The following ANKS1B variants were observed in gnomAD, a reference collection of about 807,000 sequenced individuals.
ANKS1B encodes ankyrin repeat and sterile alpha motif domain containing 1B, also known as ankyrin repeat and sterile alpha motif domain-containing protein 1B.
Under a neutral mutation model 148.3 loss-of-function variants are expected in ANKS1B, and 36 were observed. The ratio of observed to expected loss-of-function variants is 0.24; its 90% CI spans 0.19 to 0.32. ANKS1B has a LOEUF of 0.32. Ranked by LOEUF, ANKS1B falls within the 10% of genes least tolerant of loss-of-function variation. ANKS1B has a pLI of 1.00. For synonymous variants in ANKS1B, 542 were observed against 560.8 expected, an observed-to-expected ratio of 0.97 and a Z score of 0.47; for missense variants, 1,157 against 1,542.6, an observed-to-expected ratio of 0.75 and a Z score of 4.19.
chr12:99,746,808 T>G (rs1354688310), intron 8 of ANKS1B, among the ~76,000 whole-genome samples: 1 of 152,098 alleles, frequency 6.6e-6, no homozygotes, highest in East Asian at 1.9e-4. Context: ...ACAGGTGTAT[T>G]TTTTTCTAAC....
chr12:99,591,615 G>A (rs533421538), intron 9 of ANKS1B, among the ~76,000 whole-genome samples: 29 of 152,084 alleles, frequency 1.9e-4, no homozygotes, highest in South Asian at 1.0e-3. Context: ...CCCTGCCCCC[G>A]AAAATATGTA....
chr12:99,335,705 T>A (rs1283311974), intron 12 of ANKS1B, among the ~76,000 whole-genome samples: 1 of 152,152 alleles, frequency 6.6e-6, no homozygotes, highest in African/African-American at 2.4e-5. Flanking sequence ...TGAATAGTAC[T>A]CCATTGTGTA....
chr12:99,151,259 G>C (rs2074807438), intron 15 of ANKS1B, among the ~76,000 whole-genome samples: 1 of 152,154 alleles, frequency 6.6e-6, no homozygotes, highest in South Asian at 2.1e-4. Context: ...CAGGTGTGGT[G>C]GCTCATGCCT....
chr12:99,983,547 T>C (rs888453898), intron 1 of ANKS1B, among the ~76,000 whole-genome samples: 1 of 152,184 alleles, frequency 6.6e-6, no homozygotes, highest in Admixed American at 6.5e-5. Context: ...CTGCCTAACC[T>C]GCCCCATCAA....
chr12:99,775,871 C>T (rs1251966458), intron 6 of ANKS1B, among the ~76,000 whole-genome samples: 1 of 152,052 alleles, frequency 6.6e-6, no homozygotes, highest in Non-Finnish European at 1.5e-5. Flanking sequence ...AAAAAAGACA[C>T]TGGATTATTT....
At chr12:99,672,830 T>C (rs761302429) in intron 8 of ANKS1B, among the ~76,000 whole-genome samples, 1 of 152,184 alleles carries the variant, frequency 6.6e-6, no homozygotes, top group Non-Finnish European at 1.5e-5. Flanking sequence ...TGTTAAACTT[T>C]CTTGGGAAAC....
intron 12 of ANKS1B, among the ~76,000 whole-genome samples, chr12:99,363,454 C>T (rs1220698532): frequency 1.3e-5 from 2 of 152,044 alleles, no homozygotes; most frequent in Non-Finnish European, 2.9e-5. Context: ...ATAAGTGATA[C>T]AGGCTACCAA....
chr12:99,406,033 TA>T (rs2094524262), intron 11 of ANKS1B, among the ~76,000 whole-genome samples: 1 of 145,652 alleles, frequency 6.9e-6, no homozygotes, highest in South Asian at 2.1e-4. Flanking sequence ...CAAATATTAT[TA>T]AGGGTAAAGA....
chr12:99,046,613 C>CCCCTAGAG (rs902869802), intron 17 of ANKS1B, among the ~76,000 whole-genome samples: 2 of 151,814 alleles, frequency 1.3e-5, no homozygotes, highest in African/African-American at 2.4e-5. Context: ...TCCTGGCTAA[C>CCCCTAGAG]ACGCTGAAAC....
intron 1 of ANKS1B, among the ~76,000 whole-genome samples, chr12:99,829,978 C>T (rs991815619): frequency 1.3e-5 from 2 of 152,162 alleles, no homozygotes; most frequent in African/African-American, 4.8e-5. Context: ...AACACCCATC[C>T]AGGGCTATTC....
rs140869478 is a variant in ANKS1B at position 99,199,994 on chromosome 12, T to C, written c.2419+44348A>G. ...AAAGGAAGAACAGGAGAGGGCCAAT[T>C]GTGTAGAAACAGCAAACAGCCTGAC... On this transcript the variant is annotated intron_variant, in intron 14 of 26. Coordinates refer to ENST00000683438, the MANE Select transcript of ANKS1B (RefSeq NM_001352186.2). 6.8e-3 allele frequency among the ~76,000 whole-genome samples: 1,029 copies of C among 152,256 alleles called. 19 individuals are homozygous for C. Among genetic ancestry groups the C allele is most frequent in the African/African-American group, 0.023 (965 of 41,528 alleles).
chr12:99,416,022 C>G (rs188669198), intron 11 of ANKS1B, among the ~76,000 whole-genome samples: 1 of 152,202 alleles, frequency 6.6e-6, no homozygotes, highest in East Asian at 1.9e-4. Context: ...CTCTCCTGCC[C>G]CCACCTCCAC....
chr12:99,765,354 T>TC (rs1262279111), intron 8 of ANKS1B, among the ~76,000 whole-genome samples: 1 of 151,916 alleles, frequency 6.6e-6, no homozygotes, highest in African/African-American at 2.4e-5. Flanking sequence ...TGTTTACTGA[T>TC]TTTTTTAGTA....
chr12:99,661,498 C>T (rs1047832074), intron 8 of ANKS1B, among the ~76,000 whole-genome samples: 2 of 152,146 alleles, frequency 1.3e-5, no homozygotes, highest in African/African-American at 2.4e-5. Context: ...GTTATTGGAC[C>T]ATGAGAATAA....
At chr12:99,028,543 T>C (rs1598657965) in intron 17 of ANKS1B, among the ~76,000 whole-genome samples, 1 of 152,142 alleles carries the variant, frequency 6.6e-6, no homozygotes, top group Non-Finnish European at 1.5e-5. Flanking sequence ...GGCAGAGAGG[T>C]GATGAGACCA....
At chr12:99,028,416 G>C (rs10860386) in intron 17 of ANKS1B, among the ~76,000 whole-genome samples, 1 of 151,972 alleles carries the variant, frequency 6.6e-6, no homozygotes, top group East Asian at 1.9e-4. Context: ...CAGCTATAGC[G>C]TCAAAGGACA....
intron 4 of ANKS1B, among the ~76,000 whole-genome samples, chr12:99,785,025 T>C (rs1377315040): frequency 6.6e-6 from 1 of 152,016 alleles, no homozygotes; most frequent in Non-Finnish European, 1.5e-5. Context: ...ACTTTGAAAA[T>C]ATAGATGTTT....
chr12:99,637,019 A>G (rs918707488), intron 9 of ANKS1B, among the ~76,000 whole-genome samples: 2 of 152,182 alleles, frequency 1.3e-5, no homozygotes, highest in East Asian at 3.9e-4. Flanking sequence ...AACAGTGATG[A>G]TGATGGCCGG....
At chr12:99,962,184 C>T (rs1566091734) in intron 1 of ANKS1B, among the ~76,000 whole-genome samples, 1 of 152,052 alleles carries the variant, frequency 6.6e-6, no homozygotes, top group African/African-American at 2.4e-5. Context: ...GACCCGTCCT[C>T]TAAGTTCTCT....
Sources: gnomAD v4.1 joint callset for allele counts (sites outside exome capture counted in the v4.1 genomes callset) on GRCh38, gnomAD v4.1.1 for gene constraint, MANE v1.5 for transcripts, NCBI Gene and HGNC (gene_info 2026-07-23, HGNC 2026-07-21) for gene names.